MEGF9: variants seen among roughly 807,000 people sequenced by gnomAD.
MEGF9 encodes the protein multiple epidermal growth factor-like domains protein 9.
In MEGF9, 6 loss-of-function variants were observed where a neutral mutation model predicts 46.8. That is an observed-to-expected ratio of 0.13 (90% CI 0.07 to 0.25). The LOEUF (loss-of-function observed/expected upper bound fraction) is 0.25, where lower values mean the gene tolerates loss of function less well. Among genes scored for constraint, MEGF9 ranks in the 10% least tolerant of loss-of-function variants. The pLI, the probability that MEGF9 is intolerant of heterozygous loss-of-function variation, is 1.00. For missense variants in MEGF9, 683 were observed against 792.4 expected (o/e 0.86, Z 1.66); for synonymous variants, 302 against 330.7 (o/e 0.91, Z 0.94).
At chr9:120,664,232 T>G (rs2043715418) in intron 1 of MEGF9, among the ~76,000 whole-genome samples, 3 of 152,184 alleles carry the variant, frequency 2.0e-5, no homozygotes, top group African/African-American at 7.2e-5. Flanking sequence ...TCATTCAATT[T>G]TTAACCATCT....
At chr9:120,629,681 C>T (rs1315683791) in intron 2 of MEGF9, among the ~76,000 whole-genome samples, 3 of 151,866 alleles carry the variant, frequency 2.0e-5, no homozygotes, top group Non-Finnish European at 4.4e-5. Flanking sequence ...CATCTGTAAT[C>T]CCAGCACTTT....
intron 2 of MEGF9, among the ~76,000 whole-genome samples, chr9:120,638,196 T>C (rs1403294405): frequency 6.6e-6 from 1 of 152,174 alleles, no homozygotes; most frequent in Non-Finnish European, 1.5e-5. Context: ...CTCACTATGT[T>C]ACCCACGTTG....
At chr9:120,638,205 T>C (rs1280380465) in intron 2 of MEGF9, among the ~76,000 whole-genome samples, 1 of 152,188 alleles carries the variant, frequency 6.6e-6, no homozygotes, top group Non-Finnish European at 1.5e-5. Flanking sequence ...TTACCCACGT[T>C]GGTCTTTAAC....
chr9:120,652,459 AC>A (rs2043657058), intron 2 of MEGF9, among the ~76,000 whole-genome samples: 1 of 133,130 alleles, frequency 7.5e-6, no homozygotes, highest in African/African-American at 2.8e-5. Context: ...AGGCTGGGTG[AC>A]AGAGCGAGAT....
In MEGF9 at chr9:120,605,525, T is replaced by A. The variant is rs529484273; in HGVS notation, c.1474A>T (p.Ile492Phe). The A allele has an allele frequency of 4.5e-5, 73 of 1,613,698 alleles. No homozygotes were observed. Among genetic ancestry groups the A allele is most frequent in the Non-Finnish European group, 5.7e-5 (67 of 1,179,772 alleles). Residue 492 changes from isoleucine (I) to phenylalanine (F), a missense_variant, in exon 6 of 6, where the codon ATC becomes TTC. Physicochemically the swap from Ile to Phe is conservative, Grantham distance 21. Transcript: ENST00000373930. This position sits in a 1 kb window ranked among gnomAD's most constrained non-coding sequence, Gnocchi z 4.0. ...STFTPTTLQT[I>F]FSVSTSENST... The stretch of plus-strand genomic sequence containing the variant: ...TTTTCAGAAGTGCTTACTGAAAAGA[T>A]AGTCTGCAGGGTTGTAGGGGTAAAA...
At chr9:120,675,251 A>G (rs957067887) in intron 1 of MEGF9, among the ~76,000 whole-genome samples, 1 of 152,262 alleles carries the variant, frequency 6.6e-6, no homozygotes, top group Admixed American at 6.5e-5. Flanking sequence ...ATTACATATG[A>G]GAATATTTTT....
At chr9:120,658,230 A>G (rs1587986816) in intron 2 of MEGF9, among the ~76,000 whole-genome samples, 1 of 152,170 alleles carries the variant, frequency 6.6e-6, no homozygotes, top group Admixed American at 6.5e-5. Context: ...CAAGTGATCC[A>G]CCCGCCTTGG....
chr9:120,653,939 G>A (rs2043665000), intron 2 of MEGF9, among the ~76,000 whole-genome samples: 1 of 152,226 alleles, frequency 6.6e-6, no homozygotes, highest in Non-Finnish European at 1.5e-5. Flanking sequence ...AGTGAGCCAA[G>A]TGTAAGAAAT....
chr9:120,628,465 G>GTTTT (rs1554795252), intron 2 of MEGF9, among the ~76,000 whole-genome samples: 4 of 52,792 alleles, frequency 7.6e-5, no homozygotes, highest in Non-Finnish European at 1.2e-4. Flanking sequence ...AATTCTTGTC[G>GTTTT]TTGTTTTTTT....
intron 2 of MEGF9, among the ~76,000 whole-genome samples, chr9:120,628,691 G>A (rs888050998): frequency 2.0e-5 from 3 of 151,980 alleles, no homozygotes; most frequent in African/African-American, 7.3e-5. Context: ...TGGACAGTGA[G>A]CTTACCTGAT....
At chr9:120,671,140 T>C (rs994848226) in intron 1 of MEGF9, among the ~76,000 whole-genome samples, 5 of 152,246 alleles carry the variant, frequency 3.3e-5, no homozygotes, top group African/African-American at 1.2e-4. Context: ...TTTGAAACTC[T>C]TTCTTTGGTC....
At chr9:120,671,010 T>C (rs2043746485) in intron 1 of MEGF9, among the ~76,000 whole-genome samples, 1 of 152,224 alleles carries the variant, frequency 6.6e-6, no homozygotes, top group South Asian at 2.1e-4. Flanking sequence ...TGCAATCTTT[T>C]CTAAACTCTA....
intron 2 of MEGF9, among the ~76,000 whole-genome samples, chr9:120,650,890 C>T (rs954322571): frequency 5.9e-5 from 9 of 152,026 alleles, no homozygotes; most frequent in African/African-American, 1.7e-4. Context: ...AAGACCTCCA[C>T]CTCCTATGGA....
chr9:120,621,356 T>C (rs1172515633), intron 3 of MEGF9, among the ~76,000 whole-genome samples: 1 of 152,216 alleles, frequency 6.6e-6, no homozygotes, highest in Non-Finnish European at 1.5e-5. Context: ...GTTCTTTCCA[T>C]TATATTTTCT....
chr9:120,638,351 A>T (rs945715550), intron 2 of MEGF9, among the ~76,000 whole-genome samples: 3 of 152,222 alleles, frequency 2.0e-5, no homozygotes, highest in African/African-American at 7.2e-5. Flanking sequence ...ATTAACTTGT[A>T]GTGCCTATAA....
At chr9:120,698,779 CTA>C (rs543313601) in intron 1 of MEGF9, among the ~76,000 whole-genome samples, 1 of 152,152 alleles carries the variant, frequency 6.6e-6, no homozygotes, top group Non-Finnish European at 1.5e-5. Flanking sequence ...CTCAATAACA[CTA>C]TGATTCATTA....
intron 3 of MEGF9, among the ~76,000 whole-genome samples, chr9:120,615,277 G>A (rs574200481): frequency 6.9e-4 from 101 of 145,796 alleles, no homozygotes; most frequent in African/African-American, 1.1e-3. Flanking sequence ...ATATGTAAGC[G>A]TGTGTGTGTG....
At chr9:120,713,449 C>T (rs1421837038) in intron 1 of MEGF9, among the ~76,000 whole-genome samples, 1 of 152,140 alleles carries the variant, frequency 6.6e-6, no homozygotes, top group East Asian at 1.9e-4. Context: ...GGTGCGCGAA[C>T]CCAACCCAAA....
chr9:120,647,360 T>A (rs2043630506), intron 2 of MEGF9, among the ~76,000 whole-genome samples: 1 of 152,182 alleles, frequency 6.6e-6, no homozygotes, highest in Non-Finnish European at 1.5e-5. Flanking sequence ...TGACCATTTA[T>A]TAACATGCAA....
Sources: gnomAD v4.1 joint callset for allele counts (sites outside exome capture counted in the v4.1 genomes callset) on GRCh38, gnomAD v4.1.1 for gene constraint, Gnocchi (gnomAD v3.1) non-coding constraint, MANE v1.5 for transcripts, NCBI Gene and HGNC (gene_info 2026-07-23, HGNC 2026-07-21) for gene names.